MSRB3: variants seen among roughly 807,000 people sequenced by gnomAD.
The protein encoded by MSRB3 is methionine sulfoxide reductase B3, also known as methionine-R-sulfoxide reductase B3.
MSRB3 carries 13 observed loss-of-function variants against 21.0 expected under a neutral mutation model. The ratio of observed to expected loss-of-function variants is 0.62; its 90% confidence interval spans 0.40 to 0.98. The LOEUF is 0.98. Among genes scored for constraint, MSRB3 ranks in the 50% least tolerant of loss-of-function variants. The pLI is 0.00. For missense variants in MSRB3, 199 were observed against 230.3 expected, an observed-to-expected ratio of 0.86 and a Z score of 0.88; for synonymous variants, 87 against 88.6, an observed-to-expected ratio of 0.98 and a Z score of 0.10.
At chr12:65,410,992 G>C (rs992513526) in intron 5 of MSRB3, among the ~76,000 whole-genome samples, 2 of 151,900 alleles carry the variant, frequency 1.3e-5, no homozygotes, top group Admixed American at 6.6e-5. Context: ...ATGGGGTAGC[G>C]TATTTGATAT....
intron 4 of MSRB3, among the ~76,000 whole-genome samples, chr12:65,353,313 T>C (rs1361222772): frequency 6.6e-6 from 1 of 152,148 alleles, no homozygotes; most frequent in Non-Finnish European, 1.5e-5. Context: ...CTGTCTAATG[T>C]TGACAGTGGG....
At chr12:65,347,213 A>T (rs1876579008) in intron 4 of MSRB3, among the ~76,000 whole-genome samples, 2 of 152,184 alleles carry the variant, frequency 1.3e-5, no homozygotes, top group South Asian at 4.1e-4. Context: ...CTTCCTACCC[A>T]TGAGCATGGA....
intron 4 of MSRB3, among the ~76,000 whole-genome samples, chr12:65,346,956 G>T (rs1876555754): frequency 6.6e-6 from 1 of 152,046 alleles, no homozygotes. Flanking sequence ...TCTCTGTTTT[G>T]GTACCAGTGC....
chr12:65,427,605 G>A (rs561804487), intron 5 of MSRB3, among the ~76,000 whole-genome samples: 2 of 152,288 alleles, frequency 1.3e-5, no homozygotes, highest in African/African-American at 2.4e-5. Context: ...CCATGGAGCT[G>A]AGGCCTGAAG....
intron 4 of MSRB3, among the ~76,000 whole-genome samples, chr12:65,333,638 C>T (rs1875569823): frequency 6.6e-6 from 1 of 152,172 alleles, no homozygotes; most frequent in Admixed American, 6.5e-5. Context: ...TACTAGAAAT[C>T]TTTTAAGCCT....
chr12:65,321,731 C>A (rs565301424), intron 2 of MSRB3, among the ~76,000 whole-genome samples: 1 of 151,940 alleles, frequency 6.6e-6, no homozygotes, highest in Non-Finnish European at 1.5e-5. Context: ...TTCCAAATGG[C>A]CAATTATTTA....
chr12:65,339,477 C>T (rs1056184026), intron 4 of MSRB3, among the ~76,000 whole-genome samples: 1 of 152,194 alleles, frequency 6.6e-6, no homozygotes, highest in Non-Finnish European at 1.5e-5. Flanking sequence ...GGTGCAGATA[C>T]TTCCACTGTG....
chr12:65,315,433 G>A lies in MSRB3; in HGVS notation c.76+6778G>A, dbSNP rs898720098. 2.0e-5 allele frequency among the ~76,000 whole-genome samples: 3 copies of A among 152,170 alleles called. No individual in the cohort carries two copies. In the East Asian group the frequency reaches 5.8e-4, roughly 29 times the overall value. The stretch of plus-strand genomic sequence containing the variant: ...ACCTGTAATCCAGGCACTTTGAGAG[G>A]CCGAGGTGGGCAGATCACTTGAGGC... On this transcript the variant is annotated intron_variant, in intron 2 of 6. Transcript: ENST00000308259.
intron 1 of MSRB3, among the ~76,000 whole-genome samples, chr12:65,305,745 T>A (rs1873615761): frequency 6.6e-6 from 1 of 151,246 alleles, no homozygotes. Context: ...TCAACTGTTA[T>A]CTTTAGGATT....
intron 4 of MSRB3, among the ~76,000 whole-genome samples, chr12:65,330,716 G>T (rs1479945863): frequency 6.6e-6 from 1 of 151,944 alleles, no homozygotes; most frequent in African/African-American, 2.4e-5. Flanking sequence ...ATGACAGTTC[G>T]GCAACTTTAA....
At chr12:65,315,686 A>C (rs926261328) in intron 2 of MSRB3, among the ~76,000 whole-genome samples, 62 of 151,958 alleles carry the variant, frequency 4.1e-4, no homozygotes, top group Non-Finnish European at 7.1e-4. Flanking sequence ...AAAAAAAAAA[A>C]AAAAAAACCC....
chr12:65,322,084 G>C lies in MSRB3; in HGVS notation c.77-4742G>C, dbSNP rs184483072. Among the ~76,000 whole-genome samples, 85 of 152,200 alleles carry C rather than the reference G, an allele frequency of 5.6e-4. No homozygotes were observed. In the Middle Eastern group the frequency reaches 0.01, roughly 18 times the overall value. The stretch of plus-strand genomic sequence containing the variant: ...GACTTAAAAGTACTCTAAGGTTTAG[G>C]TAACAGATCTAATTTACTTCTTAAT... On this transcript the variant is annotated intron_variant, in intron 2 of 6. Transcript: ENST00000308259.
At chr12:65,453,581 G>C in intron 5 of MSRB3, 147 bp from the exon 6 acceptor site, 1 of 713,502 alleles carries the variant, frequency 1.4e-6, no homozygotes, top group Non-Finnish European at 2.5e-6. Flanking sequence ...TTTTCCTTCA[G>C]CTTTTGACCT....
chr12:65,399,730 C>T (rs1880015807), intron 5 of MSRB3, among the ~76,000 whole-genome samples: 1 of 152,134 alleles, frequency 6.6e-6, no homozygotes, highest in Non-Finnish European at 1.5e-5. Flanking sequence ...ATGATATTGA[C>T]TGTGGGTTTG....
intron 4 of MSRB3, among the ~76,000 whole-genome samples, chr12:65,363,991 C>G (rs1017631986): frequency 3.3e-5 from 5 of 151,982 alleles, no homozygotes; most frequent in Non-Finnish European, 5.9e-5. Flanking sequence ...CACAAACAAA[C>G]AAACACAAAA....
At chr12:65,430,869 C>T (rs1592631542) in intron 5 of MSRB3, among the ~76,000 whole-genome samples, 1 of 151,984 alleles carries the variant, frequency 6.6e-6, no homozygotes, top group African/African-American at 2.4e-5. Context: ...ATGTGACATC[C>T]TACAGAATGC....
chr12:65,336,487 A>G (rs1165197243), intron 4 of MSRB3, among the ~76,000 whole-genome samples: 1 of 152,222 alleles, frequency 6.6e-6, no homozygotes, highest in Non-Finnish European at 1.5e-5. Flanking sequence ...GGAAAGAACA[A>G]TCTTGCCTTG....
intron 4 of MSRB3, among the ~76,000 whole-genome samples, chr12:65,343,828 T>G (rs902172913): frequency 3.9e-5 from 6 of 152,082 alleles, no homozygotes; most frequent in African/African-American, 1.4e-4. Flanking sequence ...ATTCACCATC[T>G]GGTAGCTATC....
At chr12:65,393,415 C>T (rs960566704) in intron 5 of MSRB3, among the ~76,000 whole-genome samples, 8 of 151,956 alleles carry the variant, frequency 5.3e-5, no homozygotes, top group South Asian at 2.1e-4. Context: ...GGGTGAATCA[C>T]GAGGTCAGGG....
Sources: allele counts gnomAD v4.1 joint callset (sites outside exome capture counted in the v4.1 genomes callset), GRCh38; gene constraint gnomAD v4.1.1; transcripts MANE v1.5; gene names NCBI Gene and HGNC (gene_info 2026-07-23, HGNC 2026-07-21).